The following ATP8A2 variants were observed in gnomAD, a reference collection of about 807,000 sequenced individuals.
The protein encoded by ATP8A2 is phospholipid-transporting ATPase IB.
Under a neutral mutation model 165.6 loss-of-function variants are expected in ATP8A2, and 100 were observed. The observed-to-expected ratio is 0.60, with a 90% CI of 0.51 to 0.71. ATP8A2 has a LOEUF of 0.71. ATP8A2 is among the 30% of genes least tolerant of loss of function. The pLI, the probability that ATP8A2 is intolerant of heterozygous loss-of-function variation, is 0.00. For synonymous variants in ATP8A2, 543 were observed against 548.8 expected (o/e 0.99, Z 0.15); for missense variants, 1,227 against 1,479.5 (o/e 0.83, Z 2.80).
At chr13:25,601,655 G>T (rs973759294) in intron 24 of ATP8A2, among the ~76,000 whole-genome samples, 5 of 152,126 alleles carry the variant, frequency 3.3e-5, no homozygotes, top group Non-Finnish European at 5.9e-5. Context: ...TTTGTTTTTA[G>T]TAGAGACAGG....
intron 8 of ATP8A2, among the ~76,000 whole-genome samples, chr13:25,541,504 C>G (rs2038476654): frequency 6.6e-6 from 1 of 152,038 alleles, no homozygotes; most frequent in Non-Finnish European, 1.5e-5. Flanking sequence ...GCCTGGAGGA[C>G]AGAGTGAGAC....
chr13:25,889,616 A>T (rs950353437), intron 33 of ATP8A2, among the ~76,000 whole-genome samples: 3 of 149,538 alleles, frequency 2.0e-5, no homozygotes, highest in African/African-American at 7.4e-5. Context: ...CTCCTTCCCC[A>T]GTGCATGACC....
chr13:25,762,268 CA>C (rs59081934), intron 25 of ATP8A2, among the ~76,000 whole-genome samples: 1 of 41,310 alleles, frequency 2.4e-5, no homozygotes, highest in Non-Finnish European at 3.8e-5. Flanking sequence ...GACTCTGTCT[CA>C]AAAAAAAAAA....
At chr13:25,467,833 G>C (rs1322158444) in intron 1 of ATP8A2, among the ~76,000 whole-genome samples, 1 of 152,142 alleles carries the variant, frequency 6.6e-6, no homozygotes, top group Non-Finnish European at 1.5e-5. Context: ...TTACAGGCTT[G>C]AGCCACCATG....
intron 33 of ATP8A2, among the ~76,000 whole-genome samples, chr13:25,880,479 T>G (rs1440868024): frequency 6.6e-6 from 1 of 152,164 alleles, no homozygotes; most frequent in Non-Finnish European, 1.5e-5. Flanking sequence ...AATCAGTTAT[T>G]ACAAGCAAGG....
At chr13:25,393,126 T>A (rs1192092448) in intron 1 of ATP8A2, among the ~76,000 whole-genome samples, 1 of 136,866 alleles carries the variant, frequency 7.3e-6, no homozygotes, top group Non-Finnish European at 1.5e-5. Flanking sequence ...TCAAATTTAT[T>A]TACATACTTT....
chr13:25,990,138 G>A (rs749683552), intron 35 of ATP8A2, among the ~76,000 whole-genome samples: 5 of 151,704 alleles, frequency 3.3e-5, no homozygotes, highest in African/African-American at 4.8e-5. Flanking sequence ...TTGTCTTTGC[G>A]TTTATACGTT....
intron 35 of ATP8A2, among the ~76,000 whole-genome samples, chr13:25,971,040 A>G (rs1034849639): frequency 6.6e-6 from 1 of 152,102 alleles, no homozygotes; most frequent in Non-Finnish European, 1.5e-5. Context: ...GCGCGCACAC[A>G]TGCACGGGTG....
intron 27 of ATP8A2, among the ~76,000 whole-genome samples, chr13:25,812,581 G>C (rs1032698983): frequency 5.4e-5 from 1 of 18,392 alleles, no homozygotes; most frequent in East Asian, 1.5e-3. Context: ...GATTTCTCAG[G>C]ACTGAGATCT....
intron 25 of ATP8A2, among the ~76,000 whole-genome samples, chr13:25,737,850 A>ATTTT (rs551576126): frequency 2.6e-5 from 4 of 151,742 alleles, no homozygotes; most frequent in Non-Finnish European, 4.4e-5. Context: ...TGCCTGACTA[A>ATTTT]TTTTTTTGTA....
intron 24 of ATP8A2, among the ~76,000 whole-genome samples, chr13:25,670,691 G>A (rs1424542073): frequency 1.3e-5 from 2 of 152,182 alleles, no homozygotes; most frequent in African/African-American, 4.8e-5. Flanking sequence ...AAAACAGGTA[G>A]CAACACTTTA....
intron 24 of ATP8A2, among the ~76,000 whole-genome samples, chr13:25,656,446 T>C (rs2041929261): frequency 6.6e-6 from 1 of 151,962 alleles, no homozygotes; most frequent in Non-Finnish European, 1.5e-5. Context: ...CGGCTAATTT[T>C]TGTATTTTTA....
chr13:25,601,465 T>C (rs1449502274), intron 24 of ATP8A2, among the ~76,000 whole-genome samples: 1 of 152,216 alleles, frequency 6.6e-6, no homozygotes, highest in Non-Finnish European at 1.5e-5. Context: ...GTTTGTTTTG[T>C]TTTGTTTTGT....
intron 2 of ATP8A2, among the ~76,000 whole-genome samples, chr13:25,514,952 C>T (rs2037417565): frequency 6.6e-6 from 1 of 152,168 alleles, no homozygotes. Context: ...GCCCAGGCAT[C>T]CAGTTGAACA....
chr13:25,953,799 G>A lies in ATP8A2; in HGVS notation c.3184-7776G>A, dbSNP rs1362000522. 1.3e-5 allele frequency among the ~76,000 whole-genome samples: 2 copies of A among 152,150 alleles called. No homozygotes were observed. Among genetic ancestry groups the A allele is most frequent in the East Asian group, 1.9e-4 (1 of 5,184 alleles). ...GAGGGAAGCCGTGAGGGACTGTGCT[G>A]TAAGGAACCATGCATTCCGTCCCAG... is the stretch of plus-strand genomic sequence containing the variant. On this transcript the variant is annotated intron_variant, in intron 33 of 36. Transcript: ENST00000381655. The surrounding 1 kb of genome is among the most constrained non-coding windows in gnomAD (Gnocchi z 6.7).
chr13:25,926,993 C>T (rs989625323), intron 33 of ATP8A2: 14 of 376,874 alleles, frequency 3.7e-5, no homozygotes, highest in African/African-American at 2.9e-4. Context: ...GGCACTTTCC[C>T]TGCATCCTGC....
intron 34 of ATP8A2, 40 bp downstream of exon 34, chr13:25,961,703 A>G: frequency 6.9e-7 from 1 of 1,448,664 alleles, no homozygotes; most frequent in Non-Finnish European, 9.7e-7. Context: ...AGTCTGGCTC[A>G]TCTGTCCCTG....
chr13:25,605,852 C>T (rs60058304), intron 24 of ATP8A2, among the ~76,000 whole-genome samples: 8,733 of 152,170 alleles, frequency 0.057, 552 homozygotes, highest in African/African-American at 0.14. Flanking sequence ...TTGTTTTCTA[C>T]TGTTTATTTT....
intron 24 of ATP8A2, among the ~76,000 whole-genome samples, chr13:25,653,031 G>C (rs1161220638): frequency 6.6e-6 from 1 of 152,178 alleles, no homozygotes; most frequent in African/African-American, 2.4e-5. Flanking sequence ...ACAGTGCTCT[G>C]TTTCAGTGCA....
Sources: allele counts gnomAD v4.1 joint callset (sites outside exome capture counted in the v4.1 genomes callset), GRCh38; gene constraint gnomAD v4.1.1; non-coding constraint Gnocchi (gnomAD v3.1); transcripts MANE v1.5; gene names NCBI Gene and HGNC (gene_info 2026-07-23, HGNC 2026-07-21).